Variants in ZFY observed in about 807,000 individuals in gnomAD.
ZFY encodes zinc finger protein Y-linked, also known as zinc finger Y-chromosomal protein.
For synonymous variants in ZFY, 47 were observed against 55.8 expected (o/e 0.84, Z 0.71); for missense variants, 113 against 170.9 (o/e 0.66, Z 1.89).
chrY:2,957,165 G>T (rs2051295464), intron 2 of ZFY, among the ~76,000 whole-genome samples: 3 of 27,993 alleles, frequency 1.1e-4, no homozygotes, highest in Admixed American at 3.3e-4. Context: ...GTTGTTACTG[G>T]TTTTTTTTTT....
chrY:2,953,966 A>T lies in ZFY; in HGVS notation c.30A>T (p.Pro10=). The change falls in exon 2 of 8, where the codon CCA becomes CCT. Residue 10 remains proline, a synonymous_variant. Coordinates refer to ENST00000155093, the MANE Select transcript of ZFY (RefSeq NM_003411.4). Reference sequence around the variant, plus strand: ...ATGAAGATGAATTTGAATTGCAGCCACAAGAGCCAAACTCATTTTTTGATG... The same window carrying T: ...ATGAAGATGAATTTGAATTGCAGCCTCAAGAGCCAAACTCATTTTTTGATG... MDEDEFELQ[P]QEPNSFFDGI... 2.5e-6 allele frequency: 1 copy of T among 397,054 alleles called. No individual in the cohort carries two copies. The highest frequency in any genetic ancestry group is 3.5e-6 in the Non-Finnish European group (1 of 282,475).
intron 2 of ZFY, among the ~76,000 whole-genome samples, chrY:2,957,344 A>C: frequency 3.1e-5 from 1 of 32,010 alleles, no homozygotes; most frequent in Non-Finnish European, 7.6e-5. Flanking sequence ...AATTTTTTAA[A>C]ATAGAGATGA....
chrY:2,966,191 A>C, intron 3 of ZFY, among the ~76,000 whole-genome samples: 1 of 33,949 alleles, frequency 2.9e-5, no homozygotes, highest in Admixed American at 2.7e-4. Context: ...AAGTCCAGAC[A>C]CAGTAACTAG....
intron 3 of ZFY, among the ~76,000 whole-genome samples, chrY:2,968,338 TC>T (rs2051336380): frequency 4.8e-5 from 1 of 20,981 alleles, no homozygotes; most frequent in Non-Finnish European, 1.1e-4. Flanking sequence ...TGAGACGGAG[TC>T]TTGCTCTGTC....
intron 2 of ZFY, among the ~76,000 whole-genome samples, chrY:2,959,718 G>A: frequency 3.0e-5 from 1 of 33,254 alleles, no homozygotes; most frequent in Non-Finnish European, 7.4e-5. Flanking sequence ...TGCCCTTGGT[G>A]ATCATTTTTG....
At chrY:2,949,944 AT>A (rs2051273349) in intron 1 of ZFY, among the ~76,000 whole-genome samples, 1 of 32,631 alleles carries the variant, frequency 3.1e-5, no homozygotes, top group East Asian at 8.0e-4. Flanking sequence ...TCTACTTTAC[AT>A]TGCTTTATTT....
chrY:2,980,500 A>C lies in ZFY; in HGVS notation c.*507A>C. On this transcript the variant is annotated 3_prime_UTR_variant, in exon 8 of 8. Coordinates refer to ENST00000155093, the MANE Select transcript of ZFY (RefSeq NM_003411.4). Reference sequence around the variant, plus strand: ...GATAAAATTTTACATTTGAGCTTCTAGCATTGATTAATATAGGATATTGAC... The same window carrying C: ...GATAAAATTTTACATTTGAGCTTCTCGCATTGATTAATATAGGATATTGAC... 8.0e-5 allele frequency: 3 copies of C among 37,594 alleles called. No individual in the cohort carries two copies. The highest frequency in any genetic ancestry group is 3.4e-4 in the African/African-American group (3 of 8,854). The allele number at this position is 37,594 out of a possible 400,897, so 9.4% of individuals were successfully genotyped here.
At chrY:2,941,337 C>T in intron 1 of ZFY, among the ~76,000 whole-genome samples, 1 of 33,043 alleles carries the variant, frequency 3.0e-5, no homozygotes, top group Non-Finnish European at 7.4e-5. Context: ...GTGGCTGTAA[C>T]ATCTTTGTAC....
intron 7 of ZFY, 135 bp from the exon 8 acceptor site, chrY:2,978,675 T>G: frequency 4.3e-6 from 1 of 234,622 alleles, no homozygotes; most frequent in Non-Finnish European, 6.8e-6. Flanking sequence ...ACTCTTAACA[T>G]TGAAAAGCAG....
Position 2,975,144 on chromosome Y carries a change from C to T in ZFY, c.684C>T (p.Ile228=), listed in dbSNP as rs1295738139. 2 of 398,082 alleles carry T rather than the reference C, an allele frequency of 5.0e-6. No homozygotes were observed. Among genetic ancestry groups the T allele is most frequent in the Admixed American group, 7.4e-5 (1 of 13,469 alleles). Residue 228 remains isoleucine (I), a synonymous_variant, in exon 4 of 8, where the codon ATC becomes ATT. Coordinates refer to ENST00000155093, the MANE Select transcript of ZFY (RefSeq NM_003411.4). The part of the protein sequence containing the change: ...IEHDGSTGVT[I]DAESEMDPCK... Reference sequence around the variant, plus strand: ...ATGATGGTTCCACTGGAGTGACCATCGATGCAGAATCAGAAATGGATCCTT... The same window carrying T: ...ATGATGGTTCCACTGGAGTGACCATTGATGCAGAATCAGAAATGGATCCTT...
intron 2 of ZFY, among the ~76,000 whole-genome samples, chrY:2,956,887 A>C (rs2051294706): frequency 3.0e-5 from 1 of 32,959 alleles, no homozygotes; most frequent in Non-Finnish European, 7.5e-5. Flanking sequence ...TTTTTTCCAC[A>C]TAACCAAGGG....
intron 3 of ZFY, among the ~76,000 whole-genome samples, chrY:2,963,732 G>A: frequency 3.0e-5 from 1 of 33,175 alleles, no homozygotes; most frequent in Non-Finnish European, 7.5e-5. Flanking sequence ...ACAGTTTGAT[G>A]ATTTGTTTAA....
At chrY:2,965,101 T>A in intron 3 of ZFY, among the ~76,000 whole-genome samples, 1 of 30,353 alleles carries the variant, frequency 3.3e-5, no homozygotes, top group South Asian at 7.8e-4. Context: ...GAACTGATAT[T>A]ATTTGACCTG....
chrY:2,978,786 T>C (rs2051387026), intron 7 of ZFY, 24 bp from the exon 8 acceptor site: 2 of 392,996 alleles, frequency 5.1e-6, no homozygotes, highest in Non-Finnish European at 7.1e-6. Flanking sequence ...TAAGCACTCA[T>C]ACTGCTTTCT....
In ZFY at chrY:2,977,780, CAAAAAAAAAAAAAA is replaced by C. The variant is rs1268151770; in HGVS notation, c.1082-145_1082-132del. The C allele has an allele frequency of 5.9e-4, 7 of 11,943 alleles. No homozygotes were observed. The African/African-American group carries it at 8.7e-3, about 15-fold the overall frequency. The allele number at this position is 11,943 out of a possible 400,897, so 3.0% of individuals were successfully genotyped here. On this transcript the variant is annotated intron_variant, in intron 6 of 7. Transcript: ENST00000155093. The stretch of plus-strand genomic sequence containing the variant: ...TGGGTGACAGAGCAAGACTCTGTCT[CAAAAAAAAAAAAAA>C]AAAAAAAAAAAAAAGAATAAAAATA...
At position 2,982,232 on chromosome Y, in the gene ZFY, TTTAA is replaced by T. The variant is rs2051401761; in HGVS notation, c.*2242_*2245del. On this transcript the variant is annotated 3_prime_UTR_variant, in exon 8 of 8. Transcript: ENST00000155093. Reference sequence around the variant, plus strand: ...ATACTGTTATTATTTGCAGGCTGGTTTTAATTCTTAATTTGATTAGCAAAGCTAA... The same window carrying T: ...ATACTGTTATTATTTGCAGGCTGGTTTTCTTAATTTGATTAGCAAAGCTAA... The T allele has an allele frequency of 3.0e-5, 1 of 33,624 alleles. No homozygotes were observed. Among genetic ancestry groups the T allele is most frequent in the Non-Finnish European group, 7.4e-5 (1 of 13,528 alleles). 8.4% of individuals were successfully genotyped at this position (33,624 alleles called of 400,897 possible).
intron 3 of ZFY, among the ~76,000 whole-genome samples, chrY:2,970,997 A>G (rs2051346427): frequency 3.0e-5 from 1 of 33,239 alleles, no homozygotes; most frequent in African/African-American, 1.2e-4. Context: ...GTGGCTTCAT[A>G]TGTCATTCAT....
At chrY:2,937,488 CA>C (rs780590951) in intron 1 of ZFY, among the ~76,000 whole-genome samples, 27 of 5,332 alleles carry the variant, frequency 5.1e-3, no homozygotes, top group Non-Finnish European at 8.8e-3. Context: ...GAGTCTGTCT[CA>C]AAAAAAAAAA....
At chrY:2,974,433 A>G in intron 3 of ZFY, among the ~76,000 whole-genome samples, 4 of 32,435 alleles carry the variant, frequency 1.2e-4, no homozygotes, top group African/African-American at 4.9e-4. Flanking sequence ...GATCCGCTGC[A>G]TCGGCCTCCC....
Sources: allele counts gnomAD v4.1 joint callset (sites outside exome capture counted in the v4.1 genomes callset), GRCh38; gene constraint gnomAD v4.1.1; transcripts MANE v1.5; gene names NCBI Gene and HGNC (gene_info 2026-07-23, HGNC 2026-07-21).